Variants in AUTS2 observed in about 807,000 individuals in gnomAD.
AUTS2 encodes the protein activator of transcription and developmental regulator AUTS2, also known as autism susceptibility gene 2 protein.
A neutral mutation model predicts 112.4 loss-of-function variants in AUTS2; 17 were observed. The ratio of observed to expected loss-of-function variants is 0.15; its 90% confidence interval spans 0.10 to 0.23. The LOEUF is 0.23. Ranked by LOEUF, AUTS2 falls within the 10% of genes least tolerant of loss-of-function variation. The pLI, the probability that AUTS2 is intolerant of heterozygous loss-of-function variation, is 1.00. For missense variants in AUTS2, 1,510 were observed against 1,701.6 expected (o/e 0.89, Z 1.98); for synonymous variants, 751 against 702.7 (o/e 1.07, Z -1.09).
intron 4 of AUTS2, among the ~76,000 whole-genome samples, chr7:70,246,489 T>C (rs1310804393): frequency 6.6e-6 from 1 of 152,200 alleles, no homozygotes. Context: ...ATGGACCAAC[T>C]GTCATAAATT....
intron 4 of AUTS2, among the ~76,000 whole-genome samples, chr7:70,431,926 A>G (rs1795688240): frequency 6.6e-6 from 1 of 152,238 alleles, no homozygotes; most frequent in Admixed American, 6.5e-5. Flanking sequence ...AGGCGTGCAC[A>G]CGTCCTCTTT....
intron 5 of AUTS2, among the ~76,000 whole-genome samples, chr7:70,496,183 A>C (rs6948832): frequency 0.19 from 17,059 of 87,880 alleles, 1,866 homozygotes; most frequent in Middle Eastern, 0.31. Flanking sequence ...ACACACACAC[A>C]CCCCACACAT....
chr7:70,362,945 G>A (rs1792342372), intron 4 of AUTS2, among the ~76,000 whole-genome samples: 1 of 152,128 alleles, frequency 6.6e-6, no homozygotes, highest in African/African-American at 2.4e-5. Flanking sequence ...GTTAAAGAAA[G>A]ATAAATTATC....
chr7:70,417,579 A>G (rs190332582), intron 4 of AUTS2, among the ~76,000 whole-genome samples: 5 of 152,280 alleles, frequency 3.3e-5, no homozygotes, highest in Admixed American at 2.0e-4. Context: ...CGTTACTTAC[A>G]TGTTCCTTTT....
chr7:70,504,811 A>T (rs978260207), intron 5 of AUTS2, among the ~76,000 whole-genome samples: 4 of 152,194 alleles, frequency 2.6e-5, no homozygotes, highest in Admixed American at 1.3e-4. Context: ...AGGATGAGGC[A>T]TGTTTCACTC....
At position 70,631,269 on chromosome 7, in the gene AUTS2, G is replaced by C. The variant is rs1391364210; in HGVS notation, c.691-67300G>C. Reference sequence around the variant, plus strand: ...GTGTGAGTTAATACTTTACAGCAGGGCTGGGGCCCGGCTTGCTGCGGGCTG... The same window carrying C: ...GTGTGAGTTAATACTTTACAGCAGGCCTGGGGCCCGGCTTGCTGCGGGCTG... On this transcript the variant is annotated intron_variant, in intron 5 of 18. Coordinates refer to ENST00000342771, the MANE Select transcript of AUTS2 (RefSeq NM_015570.4). This position sits in a 1 kb window ranked among gnomAD's most constrained non-coding sequence, Gnocchi z 4.5. 6.6e-6 allele frequency among the ~76,000 whole-genome samples: 1 copy of C among 152,188 alleles called. No homozygotes were observed. Among genetic ancestry groups the C allele is most frequent in the Non-Finnish European group, 1.5e-5 (1 of 68,038 alleles).
chr7:69,870,530 A>C (rs6943309), intron 1 of AUTS2, among the ~76,000 whole-genome samples: 50,492 of 145,498 alleles, frequency 0.35, 9,339 homozygotes, highest in African/African-American at 0.46. Context: ...AAACAAAAAA[A>C]AAAAATAAAA....
intron 2 of AUTS2, among the ~76,000 whole-genome samples, chr7:69,975,224 C>T (rs944215763): frequency 2.0e-5 from 3 of 152,060 alleles, no homozygotes; most frequent in Non-Finnish European, 2.9e-5. Flanking sequence ...TCTCATGAGA[C>T]ATCCACTATC....
chr7:70,156,890 GTAAAAAAAAAAAAAAA>G (rs1807796177), intron 4 of AUTS2, among the ~76,000 whole-genome samples: 1 of 6,010 alleles, frequency 1.7e-4, no homozygotes, highest in Non-Finnish European at 2.9e-4. Flanking sequence ...TCTACTAAAA[GTAAAAAAAAAAAAAAA>G]AAAAAAAAAA....
At chr7:70,395,375 GA>G (rs1349001839) in intron 4 of AUTS2, among the ~76,000 whole-genome samples, 2 of 151,818 alleles carry the variant, frequency 1.3e-5, no homozygotes, top group African/African-American at 4.8e-5. Context: ...CATCTTAAGT[GA>G]AAAAAAACTT....
intron 4 of AUTS2, among the ~76,000 whole-genome samples, chr7:70,414,834 C>G (rs553958600): frequency 6.6e-6 from 1 of 152,178 alleles, no homozygotes; most frequent in African/African-American, 2.4e-5. Flanking sequence ...GCTCAAAGCA[C>G]GAGTTACAGT....
At chr7:69,648,962 G>T (rs1795165920) in intron 1 of AUTS2, among the ~76,000 whole-genome samples, 1 of 152,154 alleles carries the variant, frequency 6.6e-6, no homozygotes, top group Admixed American at 6.5e-5. Flanking sequence ...AAGTTGGATG[G>T]CTGGGGAGAG....
chr7:70,338,842 T>TTATG (rs1323505545), intron 4 of AUTS2, among the ~76,000 whole-genome samples: 2 of 143,718 alleles, frequency 1.4e-5, no homozygotes, highest in Non-Finnish European at 3.1e-5. Flanking sequence ...TCTTATTTAT[T>TTATG]TATTTATTTA....
intron 6 of AUTS2, among the ~76,000 whole-genome samples, chr7:70,760,196 A>AG (rs1200836978): frequency 6.6e-6 from 1 of 152,120 alleles, no homozygotes; most frequent in Non-Finnish European, 1.5e-5. Flanking sequence ...TAGTAGAGGC[A>AG]GGGTTTCACC....
At chr7:70,613,412 G>A (rs922583766) in intron 5 of AUTS2, among the ~76,000 whole-genome samples, 11 of 152,124 alleles carry the variant, frequency 7.2e-5, no homozygotes, top group Admixed American at 5.2e-4. Flanking sequence ...TCTGATGACA[G>A]CTTGCCTACA....
intron 1 of AUTS2, among the ~76,000 whole-genome samples, chr7:69,748,928 T>C (rs944155280): frequency 2.0e-5 from 3 of 152,184 alleles, no homozygotes; most frequent in Non-Finnish European, 4.4e-5. Context: ...GCATAAATAC[T>C]GTGTTCCTCA....
chr7:70,689,494 C>T (rs2129546175), intron 5 of AUTS2, among the ~76,000 whole-genome samples: 1 of 151,746 alleles, frequency 6.6e-6, no homozygotes, highest in African/African-American at 2.4e-5. Flanking sequence ...ATGTCGTTCC[C>T]AGCCAGGCAC....
intron 4 of AUTS2, among the ~76,000 whole-genome samples, chr7:70,227,633 C>A (rs1811835213): frequency 6.6e-6 from 1 of 152,034 alleles, no homozygotes; most frequent in African/African-American, 2.4e-5. Flanking sequence ...TTTGTATATT[C>A]TATTTTTATT....
intron 4 of AUTS2, among the ~76,000 whole-genome samples, chr7:70,392,110 T>A (rs1162784873): frequency 6.6e-6 from 1 of 152,212 alleles, no homozygotes; most frequent in South Asian, 2.1e-4. Flanking sequence ...ATGCTAACCA[T>A]GTTAAAAAGC....
Sources: allele counts gnomAD v4.1 joint callset (sites outside exome capture counted in the v4.1 genomes callset), GRCh38; gene constraint gnomAD v4.1.1; non-coding constraint Gnocchi (gnomAD v3.1); transcripts MANE v1.5; gene names NCBI Gene and HGNC (gene_info 2026-07-23, HGNC 2026-07-21).